Variants in GOLT1A observed in about 807,000 individuals in gnomAD.
The protein encoded by GOLT1A is golgi transport 1A.
Under a neutral mutation model 16.1 loss-of-function variants are expected in GOLT1A, and 10 were observed. The observed-to-expected ratio is 0.62, with a 90% CI of 0.38 to 1.05. The LOEUF is 1.05. Among genes scored for constraint, GOLT1A ranks in the 50% least tolerant of loss-of-function variants. The probability of loss-of-function intolerance (pLI) is 0.01; values close to 1 mark genes in which losing one functional copy is unlikely to be tolerated. For synonymous variants in GOLT1A, 60 were observed against 67.9 expected, an observed-to-expected ratio of 0.88 and a Z score of 0.57; for missense variants, 137 against 165.7, an observed-to-expected ratio of 0.83 and a Z score of 0.95.
chr1:204,211,639 CA>C (rs1659138368), intron 1 of GOLT1A, among the ~76,000 whole-genome samples: 1 of 152,152 alleles, frequency 6.6e-6, no homozygotes. Flanking sequence ...ATTGGTTTAA[CA>C]AAGTGTCAGC....
At chr1:204,212,492 C>T (rs761194108) in intron 1 of GOLT1A, among the ~76,000 whole-genome samples, 3 of 151,968 alleles carry the variant, frequency 2.0e-5, no homozygotes, top group African/African-American at 7.3e-5. Flanking sequence ...CAAAAATTAG[C>T]CAGGTGTGGT....
rs549774182 is a variant in GOLT1A, at chr1:204,199,278, G to A, written c.297-20C>T. On this transcript the variant is annotated intron_variant, in intron 3 of 4. Coordinates refer to ENST00000308302, the MANE Select transcript of GOLT1A (RefSeq NM_198447.2). ...AAGCCCCTAGGAGCAGAGGGGAGAA[G>A]GGAGGAGTCAGTGATGGCCCAGGAA... 1.3e-5 allele frequency: 20 copies of A among 1,589,944 alleles called. No homozygotes were observed. In the African/African-American group the frequency reaches 1.6e-4, roughly 13 times the overall value.
intron 1 of GOLT1A, among the ~76,000 whole-genome samples, chr1:204,203,485 G>T (rs969032392): frequency 6.6e-6 from 1 of 152,136 alleles, no homozygotes; most frequent in Non-Finnish European, 1.5e-5. Context: ...TACTCAAGAG[G>T]CTGGCCCGCC....
Position 204,201,806 on chromosome 1 carries a change from C to T in GOLT1A, c.123G>A (p.Leu41=). Residue 41 remains leucine (L), a synonymous_variant, in exon 3 of 5, where the codon CTG becomes CTA. Transcript: ENST00000308302. ...DSVLLAFGNL[L]FLTGLSLIIG... Reference sequence around the variant, plus strand: ...TGATGAGGGACAGGCCCGTCAGGAACAGCAGCTGTAGGGGAGGGAGGGGAG... The same window carrying T: ...TGATGAGGGACAGGCCCGTCAGGAATAGCAGCTGTAGGGGAGGGAGGGGAG... 5.6e-6 allele frequency: 9 copies of T among 1,613,936 alleles called. No individual in the cohort carries two copies. The highest frequency in any genetic ancestry group is 6.8e-6 in the Non-Finnish European group (8 of 1,179,914).
chr1:204,206,760 A>G (rs1038408594), intron 1 of GOLT1A, among the ~76,000 whole-genome samples: 2 of 152,250 alleles, frequency 1.3e-5, no homozygotes, highest in African/African-American at 4.8e-5. Flanking sequence ...CATCCTGCAC[A>G]CACTTAAGAA....
At chr1:204,204,537 T>C in intron 1 of GOLT1A, among the ~76,000 whole-genome samples, 1 of 152,252 alleles carries the variant, frequency 6.6e-6, no homozygotes, top group East Asian at 1.9e-4. Flanking sequence ...ATTTTGTTGA[T>C]CCATTCATCT....
At chr1:204,207,905 G>C (rs537266718) in intron 1 of GOLT1A, among the ~76,000 whole-genome samples, 2 of 152,120 alleles carry the variant, frequency 1.3e-5, no homozygotes, top group African/African-American at 4.8e-5. Flanking sequence ...ATGAAAAAAT[G>C]CCCAACATCA....
At chr1:204,209,579 C>T (rs1659106897) in intron 1 of GOLT1A, among the ~76,000 whole-genome samples, 1 of 152,238 alleles carries the variant, frequency 6.6e-6, no homozygotes, top group South Asian at 2.1e-4. Flanking sequence ...GGGCCAGGCA[C>T]AGTCTAAGCA....
chr1:204,202,681 C>T (rs962386698), intron 2 of GOLT1A, among the ~76,000 whole-genome samples: 1 of 152,086 alleles, frequency 6.6e-6, no homozygotes, highest in Non-Finnish European at 1.5e-5. Flanking sequence ...TTGGTGCCAG[C>T]GGGCTCTGCG....
intron 1 of GOLT1A, among the ~76,000 whole-genome samples, chr1:204,209,440 T>C (rs1210855603): frequency 6.6e-6 from 1 of 152,180 alleles, no homozygotes; most frequent in Non-Finnish European, 1.5e-5. Context: ...GGCACCGCCT[T>C]CTCTGTGTTA....
chr1:204,204,001 C>T (rs1180300636), intron 1 of GOLT1A, among the ~76,000 whole-genome samples: 1 of 152,144 alleles, frequency 6.6e-6, no homozygotes, highest in African/African-American at 2.4e-5. Flanking sequence ...CAGATCGCTC[C>T]CCTCAAGACG....
intron 1 of GOLT1A, among the ~76,000 whole-genome samples, chr1:204,210,251 G>C (rs1194362810): frequency 6.6e-6 from 1 of 152,120 alleles, no homozygotes; most frequent in East Asian, 1.9e-4. Flanking sequence ...CTTGGTTTGT[G>C]CACAACACGT....
rs374702162 is a variant in GOLT1A, at chr1:204,202,967, C to T, written c.46G>A (p.Gly16Ser). 200 of 1,613,908 alleles carry T rather than the reference C, an allele frequency of 1.2e-4. No individual in the cohort carries two copies. The highest frequency in any genetic ancestry group is 3.5e-4 in the Admixed American group (21 of 59,996). Residue 16 changes from glycine (G) to serine (S), a missense_variant, in exon 2 of 5, where the codon GGT becomes AGT. Gly to Ser is a moderately conservative substitution (Grantham distance 56). Coordinates refer to ENST00000308302, the MANE Select transcript of GOLT1A (RefSeq NM_198447.2). Reference sequence around the variant, plus strand: ...AAGAGGATGAAGAAGATGCCGAAACCGGTGATCCCCACACCAATCTCTGCA... The same window carrying T: ...AAGAGGATGAAGAAGATGCCGAAACTGGTGATCCCCACACCAATCTCTGCA... ...EWQKIGVGIT[G>S]FGIFFILFGT...
At chr1:204,200,299 G>GTGTGTGTGTGTATATATATATATA in intron 3 of GOLT1A, among the ~76,000 whole-genome samples, 8 of 82,674 alleles carry the variant, frequency 9.7e-5, no homozygotes, top group African/African-American at 3.3e-4. Flanking sequence ...ACATATATGT[G>GTGTGTGTGTGTATATATATATATA]TATATATATA....
intron 1 of GOLT1A, 27 bp downstream of exon 1, chr1:204,213,855 C>A (rs1413739292): frequency 1.2e-6 from 2 of 1,611,490 alleles, no homozygotes; most frequent in Non-Finnish European, 1.7e-6. Flanking sequence ...CTGGATAGCC[C>A]ATTGCAGCCC....
chr1:204,212,090 C>T (rs911382092), intron 1 of GOLT1A, among the ~76,000 whole-genome samples: 1 of 152,300 alleles, frequency 6.6e-6, no homozygotes, highest in Non-Finnish European at 1.5e-5. Context: ...ACCTACCTGA[C>T]ATCTCACCCG....
chr1:204,205,292 A>T (rs371145339), intron 1 of GOLT1A, among the ~76,000 whole-genome samples: 2 of 152,150 alleles, frequency 1.3e-5, no homozygotes, highest in East Asian at 1.9e-4. Flanking sequence ...TTATAGTTTT[A>T]GCTCTTATTT....
chr1:204,213,572 G>A (rs1263402942), intron 1 of GOLT1A, among the ~76,000 whole-genome samples: 1 of 152,228 alleles, frequency 6.6e-6, no homozygotes, highest in Non-Finnish European at 1.5e-5. Context: ...GAGGCCTCCT[G>A]AGTCCACCTT....
intron 1 of GOLT1A, among the ~76,000 whole-genome samples, chr1:204,210,358 G>A (rs1288375568): frequency 6.6e-6 from 1 of 152,156 alleles, no homozygotes; most frequent in Non-Finnish European, 1.5e-5. Flanking sequence ...ATTGCACAGG[G>A]CTTGTGCCCA....
Sources: allele counts gnomAD v4.1 joint callset (sites outside exome capture counted in the v4.1 genomes callset), GRCh38; gene constraint gnomAD v4.1.1; transcripts MANE v1.5; gene names NCBI Gene and HGNC (gene_info 2026-07-23, HGNC 2026-07-21).